SGSM2: variants seen among roughly 807,000 people sequenced by gnomAD.
SGSM2 encodes the protein RUN and TBC1 domain containing 1.
Under a neutral mutation model 126.6 loss-of-function variants are expected in SGSM2, and 89 were observed. The ratio of observed to expected loss-of-function variants is 0.70; its 90% CI spans 0.59 to 0.84. SGSM2 has a LOEUF of 0.84. Among genes scored for constraint, SGSM2 ranks in the 40% least tolerant of loss-of-function variants. SGSM2 has a pLI of 0.00. For missense variants in SGSM2, 1,404 were observed against 1,416.6 expected (o/e 0.99, Z 0.14); for synonymous variants, 614 against 574.3 (o/e 1.07, Z -0.99).
rs764699569 is a variant in SGSM2, at chr17:2,363,630, C to T, written c.807+31C>T. 2.0e-5 allele frequency: 32 copies of T among 1,607,450 alleles called. No homozygotes were observed. The highest frequency in any genetic ancestry group is 7.7e-5 in the South Asian group (7 of 90,784). On this transcript the variant is annotated intron_variant, in intron 7 of 23. Transcript: ENST00000268989. This position sits in a 1 kb window ranked among gnomAD's most constrained non-coding sequence, Gnocchi z 4.2. ...AAAGCTTCATCCTGCCATCCCTCCC[C>T]GAAGGTCCCCGAACGAGACGACTGG...
chr17:2,369,106 G>T (rs975741701), intron 12 of SGSM2, among the ~76,000 whole-genome samples: 1 of 152,192 alleles, frequency 6.6e-6, no homozygotes, highest in Admixed American at 6.5e-5. Flanking sequence ...GGAAAGGAGA[G>T]GAGGCATAAG....
intron 1 of SGSM2, among the ~76,000 whole-genome samples, chr17:2,342,920 T>C (rs1186757361): frequency 6.6e-6 from 1 of 152,072 alleles, no homozygotes; most frequent in East Asian, 1.9e-4. Flanking sequence ...GAGGCTGCAG[T>C]GAGCCGAGAT....
At chr17:2,351,524 C>G (rs1280521533) in intron 2 of SGSM2, among the ~76,000 whole-genome samples, 1 of 152,190 alleles carries the variant, frequency 6.6e-6, no homozygotes, top group Non-Finnish European at 1.5e-5. Context: ...GAGGCTGGCC[C>G]TGGCCTGGTT....
intron 13 of SGSM2, 131 bp downstream of exon 13, chr17:2,371,546 T>C: frequency 8.5e-7 from 1 of 1,170,486 alleles, no homozygotes; most frequent in Non-Finnish European, 1.2e-6. Flanking sequence ...GGGTTCAAAT[T>C]TCACTTTTGC....
intron 2 of SGSM2, among the ~76,000 whole-genome samples, chr17:2,360,158 C>T (rs1191427141): frequency 3.3e-5 from 5 of 152,154 alleles, no homozygotes; most frequent in Non-Finnish European, 5.9e-5. Context: ...GCCTGGCCAA[C>T]GTGGCGAAAC....
At chr17:2,345,979 G>A (rs944281642) in intron 2 of SGSM2, among the ~76,000 whole-genome samples, 7 of 152,118 alleles carry the variant, frequency 4.6e-5, no homozygotes, top group Non-Finnish European at 8.8e-5. Flanking sequence ...TGCGGGGGAC[G>A]GGGAGGGAAG....
At chr17:2,370,717 C>G (rs1468134954) in intron 12 of SGSM2, among the ~76,000 whole-genome samples, 1 of 152,240 alleles carries the variant, frequency 6.6e-6, no homozygotes, top group East Asian at 1.9e-4. Flanking sequence ...GCCACCAGAT[C>G]TAGACTCCCC....
At chr17:2,352,732 C>A (rs2926992) in intron 2 of SGSM2, among the ~76,000 whole-genome samples, 49,747 of 149,552 alleles carry the variant, frequency 0.33, 9,816 homozygotes, top group East Asian at 0.63. Context: ...GCTCCCTGGG[C>A]TGACTGATGA....
chr17:2,371,154 C>A (rs2065851081), intron 12 of SGSM2, 108 bp from the exon 13 acceptor site: 1 of 1,277,178 alleles, frequency 7.8e-7, no homozygotes, highest in Non-Finnish European at 1.0e-6. Context: ...ATTTTCCACC[C>A]ATGGGTGACT....
chr17:2,372,998 A>G lies in SGSM2; in HGVS notation c.1834A>G (p.Ile612Val), dbSNP rs1232837950. Residue 612 changes from isoleucine to valine, a missense_variant, in exon 16 of 24, where the codon ATA becomes GTA. Transcript: ENST00000268989. This position sits in a 1 kb window ranked among gnomAD's most constrained non-coding sequence, Gnocchi z 6.0. ...ELLRQVYYGG[I>V]EHEIRKDVWP... Reference sequence around the variant, plus strand: ...GCTGCGGCAAGTTTACTACGGAGGCATAGAGCACGAGATCCGCAAGGACGT... The same window carrying G: ...GCTGCGGCAAGTTTACTACGGAGGCGTAGAGCACGAGATCCGCAAGGACGT... 3.1e-6 allele frequency: 5 copies of G among 1,591,708 alleles called. No homozygotes were observed. The highest frequency in any genetic ancestry group is 2.7e-5 in the African/African-American group (2 of 74,512).
At chr17:2,342,797 T>A (rs2064433367) in intron 1 of SGSM2, among the ~76,000 whole-genome samples, 1 of 152,032 alleles carries the variant, frequency 6.6e-6, no homozygotes, top group Admixed American at 6.6e-5. Context: ...ACCAATATGG[T>A]GAAACCCCAT....
Position 2,337,672 on chromosome 17 carries a change from C to T in SGSM2, c.-17C>T. On this transcript the variant is annotated 5_prime_UTR_variant, in exon 1 of 24. Coordinates refer to ENST00000268989, the MANE Select transcript of SGSM2 (RefSeq NM_014853.3). This position sits in a 1 kb window ranked among gnomAD's most constrained non-coding sequence, Gnocchi z 5.1. ...CGGGGGCTCTGAGGACCGCTCGGCG[C>T]CGCCTCCTGCCACACCATGGGCAGC... The T allele has an allele frequency of 6.8e-7, 1 of 1,470,312 alleles. No homozygotes were observed. Among genetic ancestry groups the T allele is most frequent in the Non-Finnish European group, 9.1e-7 (1 of 1,100,474 alleles). 91.1% of individuals were successfully genotyped at this position (1,470,312 alleles called of 1,614,324 possible).
chr17:2,363,717 G>A lies in SGSM2; in HGVS notation c.807+118G>A. ...TTGACCAGAGACGGGGGGGAGAATGGCCCCAGCCTCCCAACTCCCTGTTTC... is the reference window on the plus strand; with the variant it reads ...TTGACCAGAGACGGGGGGGAGAATGACCCCAGCCTCCCAACTCCCTGTTTC... On this transcript the variant is annotated intron_variant, in intron 7 of 23. Transcript: ENST00000268989. This position sits in a 1 kb window ranked among gnomAD's most constrained non-coding sequence, Gnocchi z 4.2. 7.1e-7 allele frequency: 1 copy of A among 1,399,540 alleles called. No individual in the cohort carries two copies. The highest frequency in any genetic ancestry group is 9.7e-7 in the Non-Finnish European group (1 of 1,035,662). The allele number at this position is 1,399,540 out of a possible 1,614,324, so 86.7% of individuals were successfully genotyped here.
rs1567842016 is a variant in SGSM2 at position 2,372,913 on chromosome 17, CTG to C, written c.1789-37_1789-36del. 5 of 1,548,514 alleles carry C rather than the reference CTG, an allele frequency of 3.2e-6. No individual in the cohort carries two copies. Among genetic ancestry groups the C allele is most frequent in the Admixed American group, 2.0e-5 (1 of 50,974 alleles). ...GGCTCACCCAGCTGGGCCACGGTGA[CTG>C]TGGAGGCTGCACAGTCTTGACTCCC... On this transcript the variant is annotated intron_variant, in intron 15 of 23. Transcript: ENST00000268989. The surrounding 1 kb of genome is among the most constrained non-coding windows in gnomAD (Gnocchi z 6.0).
At chr17:2,349,708 G>A (rs984790355) in intron 2 of SGSM2, among the ~76,000 whole-genome samples, 1 of 152,104 alleles carries the variant, frequency 6.6e-6, no homozygotes, top group African/African-American at 2.4e-5. Flanking sequence ...CATTGTTGAA[G>A]CTGGGTAATG....
At position 2,362,993 on chromosome 17, in the gene SGSM2, A is replaced by G; in HGVS notation, c.531A>G (p.Gly177=). Residue 177 remains glycine, a synonymous_variant, in exon 6 of 24, where the codon GGA becomes GGG. Coordinates refer to ENST00000268989, the MANE Select transcript of SGSM2 (RefSeq NM_014853.3). The surrounding 1 kb of genome is among the most constrained non-coding windows in gnomAD (Gnocchi z 4.9). ...TGGCTGTCTCTGTCTCCACAGTGGG[A>G]CCCTGTGCCTTGGAATACACTAAGC... The part of the protein sequence containing the change: ...FGPILASLLV[G]PCALEYTKLK... 1 of 1,613,958 alleles carries G rather than the reference A, an allele frequency of 6.2e-7. No homozygotes were observed.
chr17:2,346,628 G>A (rs1042568844), intron 2 of SGSM2, among the ~76,000 whole-genome samples: 5 of 152,078 alleles, frequency 3.3e-5, no homozygotes, highest in East Asian at 1.9e-4. Flanking sequence ...AGGCCCCTGC[G>A]AGTAGAAACT....
In SGSM2 at chr17:2,363,171, G is replaced by C; in HGVS notation, c.672+37G>C. ...CTCCCCACCCTTTGGGCTCATCTGG[G>C]CTATGCCCATGGGCCTGTAGGGACG... On this transcript the variant is annotated intron_variant, in intron 6 of 23. Transcript: ENST00000268989. This position sits in a 1 kb window ranked among gnomAD's most constrained non-coding sequence, Gnocchi z 4.2. 1 of 1,558,502 alleles carries C rather than the reference G, an allele frequency of 6.4e-7. No homozygotes were observed. The highest frequency in any genetic ancestry group is 8.7e-7 in the Non-Finnish European group (1 of 1,155,958).
intron 2 of SGSM2, among the ~76,000 whole-genome samples, chr17:2,350,854 T>C (rs1163087549): frequency 6.6e-6 from 1 of 152,194 alleles, no homozygotes; most frequent in Non-Finnish European, 1.5e-5. Flanking sequence ...GCTGTTACTT[T>C]TCATCACCCA....
Sources: allele counts gnomAD v4.1 joint callset (sites outside exome capture counted in the v4.1 genomes callset), GRCh38; gene constraint gnomAD v4.1.1; non-coding constraint Gnocchi (gnomAD v3.1); transcripts MANE v1.5; gene names NCBI Gene and HGNC (gene_info 2026-07-23, HGNC 2026-07-21).